Variants in SEC14L1 observed in about 807,000 individuals in gnomAD.
The protein encoded by SEC14L1 is SEC14-like protein 1.
In SEC14L1, 48 loss-of-function variants were observed where a neutral mutation model predicts 85.3. The observed-to-expected ratio is 0.56, with a 90% CI of 0.45 to 0.72. The LOEUF (loss-of-function observed/expected upper bound fraction) is 0.72, where lower values mean the gene tolerates loss of function less well. SEC14L1 is among the 30% of genes least tolerant of loss of function. SEC14L1 has a pLI of 0.00. For synonymous variants in SEC14L1, 391 were observed against 355.5 expected, an observed-to-expected ratio of 1.10 and a Z score of -1.12; for missense variants, 682 against 921.4, an observed-to-expected ratio of 0.74 and a Z score of 3.36.
chr17:77,197,084 A>G (rs1177252097), intron 8 of SEC14L1, among the ~76,000 whole-genome samples: 2 of 152,232 alleles, frequency 1.3e-5, no homozygotes, highest in East Asian at 3.8e-4. Context: ...ATTTGAACCC[A>G]GGCCATTTTG....
intron 3 of SEC14L1, among the ~76,000 whole-genome samples, chr17:77,108,499 A>C (rs556406011): frequency 3.3e-5 from 5 of 152,166 alleles, no homozygotes; most frequent in African/African-American, 1.2e-4. Context: ...GCACTTTGGG[A>C]GCAGAGGCGG....
intron 9 of SEC14L1, among the ~76,000 whole-genome samples, chr17:77,201,608 G>A (rs1193273460): frequency 2.0e-5 from 3 of 151,930 alleles, no homozygotes; most frequent in Non-Finnish European, 4.4e-5. Context: ...GCACCACCAC[G>A]CCCGGCTACT....
chr17:77,131,586 T>C (rs1278852991), intron 3 of SEC14L1, among the ~76,000 whole-genome samples: 1 of 152,184 alleles, frequency 6.6e-6, no homozygotes, highest in Non-Finnish European at 1.5e-5. Context: ...GGTCTTTCTA[T>C]ACCCCAGTGC....
At position 77,212,147 on chromosome 17, in the gene SEC14L1, C is replaced by G; in HGVS notation, c.1809C>G (p.Arg603=). ...QLIDKVWQLG[R]DYSMVESPLI... ...TAGACAAAGTCTGGCAGCTGGGCCG[C>G]GACTACAGCATGGTGGAGTCGCCTC... is the stretch of plus-strand genomic sequence containing the variant. Residue 603 remains arginine, a synonymous_variant, in exon 15 of 17, where the codon CGC becomes CGG. Transcript: ENST00000436233. 6.2e-7 allele frequency: 1 copy of G among 1,614,076 alleles called. No homozygotes were observed.
At chr17:77,118,562 C>G (rs1000154394) in intron 3 of SEC14L1, among the ~76,000 whole-genome samples, 2 of 152,216 alleles carry the variant, frequency 1.3e-5, no homozygotes, top group African/African-American at 4.8e-5. Flanking sequence ...ATGTAATATT[C>G]CAGATGCTGC....
intron 1 of SEC14L1, chr17:77,089,139 C>A: frequency 3.4e-6 from 1 of 291,884 alleles, no homozygotes; most frequent in Non-Finnish European, 6.3e-6. Flanking sequence ...CATTATGTTA[C>A]TTTTTCCCCC....
chr17:77,089,191 C>G (rs1971444694), exon 2 of SEC14L1: 2 of 335,356 alleles, frequency 6.0e-6, no homozygotes, highest in South Asian at 5.1e-5. Context: ...CGACGATTGG[C>G]TGAAAACATG....
chr17:77,104,820 T>TG (rs1971870755), intron 3 of SEC14L1, among the ~76,000 whole-genome samples: 3 of 150,682 alleles, frequency 2.0e-5, no homozygotes, highest in African/African-American at 7.4e-5. Context: ...AAGTTTTTTT[T>TG]TGTGTGTGTG....
chr17:77,096,554 C>CAAA (rs59377154), intron 3 of SEC14L1, among the ~76,000 whole-genome samples: 1 of 144,866 alleles, frequency 6.9e-6, no homozygotes, highest in African/African-American at 2.5e-5. Context: ...GACTCCATCT[C>CAAA]AAAAAAAAAA....
chr17:77,182,180 C>CT (rs1267755601), intron 3 of SEC14L1, among the ~76,000 whole-genome samples: 3 of 152,116 alleles, frequency 2.0e-5, no homozygotes, highest in Non-Finnish European at 4.4e-5. Flanking sequence ...AAGGTAGGCT[C>CT]TTTAGGTTGA....
intron 7 of SEC14L1, among the ~76,000 whole-genome samples, chr17:77,195,467 T>A (rs972997795): frequency 6.6e-6 from 1 of 152,004 alleles, no homozygotes; most frequent in African/African-American, 2.4e-5. Flanking sequence ...CACAGGCATG[T>A]GCCACCACGC....
At position 77,215,107 on chromosome 17, in the gene SEC14L1, G is replaced by A. The variant is rs756409019; in HGVS notation, c.*1084G>A. 55 of 985,506 alleles carry A rather than the reference G, an allele frequency of 5.6e-5. No homozygotes were observed. In the Admixed American group the frequency reaches 8.0e-4, roughly 14 times the overall value. The allele number at this position is 985,506 out of a possible 1,614,324, so 61.0% of individuals were successfully genotyped here. A position where few individuals can be genotyped will look rare whatever the true frequency, so the allele number is the denominator to read the frequency against. ...CTGTGTGTGTGCATGTGTGCATGAC[G>A]GTGGGGGTGCTGGGGGGACGGGGTG... On this transcript the variant is annotated 3_prime_UTR_variant, in exon 17 of 17. Coordinates refer to ENST00000436233, the MANE Select transcript of SEC14L1 (RefSeq NM_001143998.2).
Position 77,203,547 on chromosome 17 carries a change from TC to T in SEC14L1, c.1010-22del, listed in dbSNP as rs752618126. The T allele has an allele frequency of 3.1e-6, 5 of 1,602,448 alleles. No individual in the cohort carries two copies. In the South Asian group the frequency reaches 5.5e-5, roughly 18 times the overall value. On this transcript the variant is annotated intron_variant, in intron 9 of 16. Coordinates refer to ENST00000436233, the MANE Select transcript of SEC14L1 (RefSeq NM_001143998.2). ...TTTCAACTGGGATGGTGCTGACAAC[TC>T]ATTCCTTCCCCTCCTCTGCAGATGG... is the stretch of plus-strand genomic sequence containing the variant.
At chr17:77,189,775 C>T (rs1975437644) in intron 3 of SEC14L1, among the ~76,000 whole-genome samples, 1 of 152,108 alleles carries the variant, frequency 6.6e-6, no homozygotes. Context: ...ACTACAGGCG[C>T]CCGCCACCAC....
chr17:77,126,865 G>A (rs746899777), intron 3 of SEC14L1, among the ~76,000 whole-genome samples: 1 of 152,202 alleles, frequency 6.6e-6, no homozygotes, highest in Non-Finnish European at 1.5e-5. Context: ...GTGGGGTGCA[G>A]GCACCTTTTT....
chr17:77,201,677 C>T (rs1408523143), intron 9 of SEC14L1, among the ~76,000 whole-genome samples: 1 of 152,162 alleles, frequency 6.6e-6, no homozygotes, highest in Non-Finnish European at 1.5e-5. Flanking sequence ...TCTCGAACTC[C>T]TGACCTCGTG....
chr17:77,139,794 G>A (rs1972920316), upstream of SEC14L1, among the ~76,000 whole-genome samples: 2 of 152,040 alleles, frequency 1.3e-5, no homozygotes, highest in African/African-American at 4.8e-5. Context: ...CACCGCGCCC[G>A]GCCGGTGGAT....
chr17:77,105,373 A>ACCCCCCCCCCCCC (rs796673679), intron 3 of SEC14L1, among the ~76,000 whole-genome samples: 1 of 82,376 alleles, frequency 1.2e-5, no homozygotes, highest in Non-Finnish European at 2.4e-5. Flanking sequence ...CTCGCTGACC[A>ACCCCCCCCCCCCC]CCCCCCCCCC....
At chr17:77,177,833 A>G (rs181095715) in intron 3 of SEC14L1, among the ~76,000 whole-genome samples, 1 of 152,312 alleles carries the variant, frequency 6.6e-6, no homozygotes, top group East Asian at 1.9e-4. Flanking sequence ...ATACTGTGAA[A>G]TAACTGACAT....
Sources: allele counts gnomAD v4.1 joint callset (sites outside exome capture counted in the v4.1 genomes callset), GRCh38; gene constraint gnomAD v4.1.1; transcripts MANE v1.5; gene names NCBI Gene and HGNC (gene_info 2026-07-23, HGNC 2026-07-21).